The following RELA variants were observed in gnomAD, a reference collection of about 807,000 sequenced individuals.
RELA encodes transcription factor p65.
In RELA, 14 loss-of-function variants were observed where a neutral mutation model predicts 56.7. The ratio of observed to expected loss-of-function variants is 0.25; its 90% CI spans 0.16 to 0.39. The LOEUF is 0.39. RELA is among the 10% of genes least tolerant of loss of function. The pLI is 1.00. For missense variants in RELA, 559 were observed against 736.4 expected (o/e 0.76, Z 2.79); for synonymous variants, 315 against 289.7 (o/e 1.09, Z -0.89).
At chr11:65,659,916 G>C (rs944845345) in intron 5 of RELA, 119 bp from the exon 6 acceptor site, 16 of 1,363,980 alleles carry the variant, frequency 1.2e-5, no homozygotes, top group African/African-American at 1.4e-5. Flanking sequence ...ACAAGTCCTA[G>C]AGGAGGCAGA....
chr11:65,662,211 A>G lies in RELA; in HGVS notation c.8-6T>C. 2 of 1,566,776 alleles carry G rather than the reference A, an allele frequency of 1.3e-6. No homozygotes were observed. The highest frequency in any genetic ancestry group is 1.2e-5 in the South Asian group (1 of 84,526). ...GAAGATGAGGGGGAACAGTTCTGAA[A>G]GGGGAGGGAGATCAGGGTCAGCACA... On this transcript the variant is annotated splice_polypyrimidine_tract_variant and splice_region_variant and intron_variant, in intron 1 of 10. Coordinates refer to ENST00000406246, the MANE Select transcript of RELA (RefSeq NM_021975.4).
At chr11:65,663,377 TG>T (rs1856623361), upstream of RELA, among the ~76,000 whole-genome samples, 2 of 152,116 alleles carry the variant, frequency 1.3e-5, no homozygotes, top group South Asian at 4.1e-4. Context: ...TGCCTTTCGG[TG>T]GTGGCTGTCT....
At position 65,654,443 on chromosome 11, in the gene RELA, C is replaced by T; in HGVS notation, c.1591G>A (p.Asp531Asn). ...TCCGCAATGGAGGAGAAGTCTTCAT[C>T]TCCTGAAAGGAGGCCATTGGGGAGC... The part of the protein sequence containing the change: ...PGLPNGLLSG[D>N]EDFSSIADMD... Residue 531 changes from aspartate to asparagine, a missense_variant, in exon 11 of 11, where the codon GAT (aspartate) becomes AAT (asparagine). This residue lies in a region of RELA where 365 missense variants were observed against 387.5 expected (regional missense o/e 0.94). Coordinates refer to ENST00000406246, the MANE Select transcript of RELA (RefSeq NM_021975.4). 6.2e-7 allele frequency: 1 copy of T among 1,610,626 alleles called. No individual in the cohort carries two copies. The highest frequency in any genetic ancestry group is 8.5e-7 in the Non-Finnish European group (1 of 1,178,624).
Position 65,655,949 on chromosome 11 carries a change from G to A in RELA, c.878-14C>T, listed in dbSNP as rs1238460391. ...GGTGACGATCGTCTGGGAAAGTAAGGGGGAGAAGTGGGACTTGCTCTCCTC... is the reference window on the plus strand; with the variant it reads ...GGTGACGATCGTCTGGGAAAGTAAGAGGGAGAAGTGGGACTTGCTCTCCTC... On this transcript the variant is annotated splice_polypyrimidine_tract_variant and intron_variant, in intron 8 of 10. Coordinates refer to ENST00000406246, the MANE Select transcript of RELA (RefSeq NM_021975.4). 1 of 1,612,146 alleles carries A rather than the reference G, an allele frequency of 6.2e-7. No individual in the cohort carries two copies. Among genetic ancestry groups the A allele is most frequent in the Admixed American group, 1.7e-5 (1 of 60,004 alleles).
rs200603499 is a variant in RELA, at chr11:65,662,215, G to A, written c.8-10C>T. 966 of 1,564,518 alleles carry A rather than the reference G, an allele frequency of 6.2e-4. 9 individuals are homozygous for A. The highest frequency in any genetic ancestry group is 1.3e-4 in the Non-Finnish European group (146 of 1,161,010). On this transcript the variant is annotated splice_polypyrimidine_tract_variant and intron_variant, in intron 1 of 10. Coordinates refer to ENST00000406246, the MANE Select transcript of RELA (RefSeq NM_021975.4). ...ATGAGGGGGAACAGTTCTGAAAGGGGAGGGAGATCAGGGTCAGCACACACC... is the reference window on the plus strand; with the variant it reads ...ATGAGGGGGAACAGTTCTGAAAGGGAAGGGAGATCAGGGTCAGCACACACC...
At chr11:65,662,285 A>G (rs189322980) in intron 1 of RELA, 80 bp from the exon 2 acceptor site, 2 of 1,431,610 alleles carry the variant, frequency 1.4e-6, no homozygotes, top group Admixed American at 3.0e-5. Context: ...CACGGAGAGG[A>G]GAAGCCAGGC....
rs767869181 is a variant in RELA at position 65,655,781 on chromosome 11, G to T, written c.959-19C>A. ...GTGGGTCCTGTAGGGCAAGGGCTAG[G>T]TCAGTTCTCAGCCCCAGGGTGTCCC... On this transcript the variant is annotated intron_variant, in intron 9 of 10. Coordinates refer to ENST00000406246, the MANE Select transcript of RELA (RefSeq NM_021975.4). 1 of 1,613,888 alleles carries T rather than the reference G, an allele frequency of 6.2e-7. No homozygotes were observed. The highest frequency in any genetic ancestry group is 1.3e-5 in the African/African-American group (1 of 74,914).
At position 65,655,701 on chromosome 11, in the gene RELA, AGAAGCTGAGCTGCGG is replaced by A. The variant is rs1350659290; in HGVS notation, c.1005_1019del (p.Arg336_Ser340del). On this transcript the variant is annotated inframe_deletion, in exon 10 of 11. Coordinates refer to ENST00000406246, the MANE Select transcript of RELA (RefSeq NM_021975.4). ...GGAAATCCTTACCTGGCTTGGGGAC[AGAAGCTGAGCTGCGG>A]GAAGGCACAGCAATGCGTCGAGGTG... The A allele has an allele frequency of 1.2e-5, 19 of 1,614,120 alleles. No individual in the cohort carries two copies. Among genetic ancestry groups the A allele is most frequent in the Non-Finnish European group, 1.6e-5 (19 of 1,180,016 alleles).
In RELA at chr11:65,662,097, G is replaced by A. The variant is rs756959743; in HGVS notation, c.35-9C>T. ...AGAGGCCTGGGCTGGCTCTGCCAGGGGACACCGCAGCCCCATTAGGCGGCT... is the reference window on the plus strand; with the variant it reads ...AGAGGCCTGGGCTGGCTCTGCCAGGAGACACCGCAGCCCCATTAGGCGGCT... On this transcript the variant is annotated splice_polypyrimidine_tract_variant and intron_variant, in intron 2 of 10. Transcript: ENST00000406246. 1 of 1,608,494 alleles carries A rather than the reference G, an allele frequency of 6.2e-7. No homozygotes were observed. The highest frequency in any genetic ancestry group is 1.1e-5 in the South Asian group (1 of 90,476).
Position 65,662,754 on chromosome 11 carries a change from G to A in RELA, c.7+72C>T, listed in dbSNP as rs901523399. On this transcript the variant is annotated intron_variant, in intron 1 of 10. Coordinates refer to ENST00000406246, the MANE Select transcript of RELA (RefSeq NM_021975.4). The stretch of plus-strand genomic sequence containing the variant: ...GTCGGCGCAGGAAGGGGCGGAAAGC[G>A]GCGCGGGGGCTCCCGCCACAGCCGC... The A allele has an allele frequency of 9.6e-6, 11 of 1,151,630 alleles. No homozygotes were observed. The Admixed American group carries it at 1.3e-4, about 14-fold the overall frequency. The allele number at this position is 1,151,630 out of a possible 1,614,324, so 71.3% of individuals were successfully genotyped here. A position where few individuals can be genotyped will look rare whatever the true frequency, so the allele number is the denominator to read the frequency against.
rs943497591 is a variant in RELA, at chr11:65,660,351, T to C, written c.336-136A>G. ...CTAACCCTCTCCAGTGGCTTCCTACTGTGCTGCAACGAACCCTGTCCCTTC... is the reference window on the plus strand; with the variant it reads ...CTAACCCTCTCCAGTGGCTTCCTACCGTGCTGCAACGAACCCTGTCCCTTC... On this transcript the variant is annotated intron_variant, in intron 4 of 10. Coordinates refer to ENST00000406246, the MANE Select transcript of RELA (RefSeq NM_021975.4). The C allele has an allele frequency of 8.5e-5, 63 of 745,372 alleles. No individual in the cohort carries two copies. In the South Asian group the frequency reaches 8.9e-4, roughly 11 times the overall value. 46.2% of individuals were successfully genotyped at this position (745,372 alleles called of 1,614,324 possible). A position where few individuals can be genotyped will look rare whatever the true frequency, so the allele number is the denominator to read the frequency against.
Position 65,662,224 on chromosome 11 carries a change from C to A in RELA, c.8-19G>T. 6.4e-7 allele frequency: 1 copy of A among 1,553,614 alleles called. No homozygotes were observed. The highest frequency in any genetic ancestry group is 1.2e-5 in the South Asian group (1 of 81,960). ...AACAGTTCTGAAAGGGGAGGGAGAT[C>A]AGGGTCAGCACACACCCAATGCCCA... On this transcript the variant is annotated intron_variant, in intron 1 of 10. Coordinates refer to ENST00000406246, the MANE Select transcript of RELA (RefSeq NM_021975.4).
chr11:65,661,433 CT>C (rs1270814613), intron 4 of RELA: 1 of 402,514 alleles, frequency 2.5e-6, no homozygotes, highest in Non-Finnish European at 4.4e-6. Flanking sequence ...CTCTGAGGGA[CT>C]TGTCCTTCCA....
intron 8 of RELA, among the ~76,000 whole-genome samples, chr11:65,656,213 G>A (rs1015615998): frequency 3.9e-5 from 6 of 152,208 alleles, no homozygotes; most frequent in African/African-American, 1.4e-4. Flanking sequence ...GGGGGCCCCA[G>A]CCTCCAGCTC....
rs1212516448 is a variant in RELA at position 65,658,648 on chromosome 11, T to G, written c.664+70A>C. The stretch of plus-strand genomic sequence containing the variant: ...GAGGAAGTATCCAAAGCCAGTTACC[T>G]GACACTCCACTTCTCTGCTCAGCTT... On this transcript the variant is annotated intron_variant, in intron 7 of 10. Coordinates refer to ENST00000406246, the MANE Select transcript of RELA (RefSeq NM_021975.4). This position sits in a 1 kb window ranked among gnomAD's most constrained non-coding sequence, Gnocchi z 4.5. The G allele has an allele frequency of 6.8e-7, 1 of 1,480,586 alleles. No individual in the cohort carries two copies. The highest frequency in any genetic ancestry group is 9.4e-7 in the Non-Finnish European group (1 of 1,061,060). 91.7% of individuals were successfully genotyped at this position (1,480,586 alleles called of 1,614,324 possible).
At chr11:65,655,190 C>T in intron 10 of RELA, 190 bp from the exon 11 acceptor site, 4 of 603,874 alleles carry the variant, frequency 6.6e-6, no homozygotes, top group Non-Finnish European at 1.2e-5. Flanking sequence ...CACACCTCCA[C>T]CTTGGAGTCC....
intron 4 of RELA, 118 bp downstream of exon 4, chr11:65,661,569 C>T: frequency 1.1e-6 from 1 of 925,014 alleles, no homozygotes; most frequent in Non-Finnish European, 1.6e-6. Flanking sequence ...AGAGCTGAGT[C>T]AGGGCAAGGA....
intron 6 of RELA, among the ~76,000 whole-genome samples, chr11:65,659,379 G>A (rs1471595607): frequency 2.0e-5 from 3 of 151,960 alleles, no homozygotes; most frequent in African/African-American, 4.8e-5. Context: ...AGTCATTATC[G>A]CAGTTGTGGG....
At chr11:65,660,569 T>C (rs1365944728) in intron 4 of RELA, 6 of 265,784 alleles carry the variant, frequency 2.3e-5, no homozygotes, top group Non-Finnish European at 4.3e-5. Flanking sequence ...CATTCAAGTC[T>C]TAGCTGAGGG....
Sources: gnomAD v4.1 joint callset for allele counts (sites outside exome capture counted in the v4.1 genomes callset) on GRCh38, gnomAD v4.1.1 for gene constraint, gnomAD v4.1.1 regional missense constraint, Gnocchi (gnomAD v3.1) non-coding constraint, MANE v1.5 for transcripts, NCBI Gene and HGNC (gene_info 2026-07-23, HGNC 2026-07-21) for gene names.